The following ZNF541 variants were observed in gnomAD, a reference collection of about 807,000 sequenced individuals.
ZNF541 encodes the protein zinc finger protein 541.
A neutral mutation model predicts 123.5 loss-of-function variants in ZNF541; 23 were observed. That is an observed-to-expected ratio of 0.19 (90% confidence interval 0.13 to 0.26). The LOEUF is 0.26. Among genes scored for constraint, ZNF541 ranks in the 10% least tolerant of loss-of-function variants. The probability of loss-of-function intolerance (pLI) is 1.00; values close to 1 mark genes in which losing one functional copy is unlikely to be tolerated. For missense variants in ZNF541, 1,612 were observed against 1,789.9 expected (o/e 0.90, Z 1.79); for synonymous variants, 751 against 754.5 (o/e 1.00, Z 0.08).
rs1970315813 is a variant in ZNF541 at position 47,545,655 on chromosome 19, G to A, written c.874C>T (p.Pro292Ser). 1 of 1,549,868 alleles carries A rather than the reference G, an allele frequency of 6.5e-7. No individual in the cohort carries two copies. The highest frequency in any genetic ancestry group is 2.0e-5 in the Admixed American group (1 of 50,996). The stretch of plus-strand genomic sequence containing the variant: ...CTGTCTGAAGCCCCCGCCGGGGCTG[G>A]GCCAGGAGAAGGGGTCTTCTGGTGG... ...IVHQKTPSPG[P>S]APAGASDSEG... Residue 292 changes from proline to serine, a missense_variant, in exon 5 of 17, where the codon CCA (proline) becomes TCA (serine). Pro to Ser is a moderately conservative substitution (Grantham distance 74). Coordinates refer to ENST00000391901, the MANE Select transcript of ZNF541 (RefSeq NM_001277075.3). This position sits in a 1 kb window ranked among gnomAD's most constrained non-coding sequence, Gnocchi z 7.5.
chr19:47,572,912 C>T (rs1052562467), intron 1 of ZNF541, among the ~76,000 whole-genome samples, 171 bp downstream of exon 1: 5 of 151,770 alleles, frequency 3.3e-5, no homozygotes, highest in Non-Finnish European at 7.4e-5. Context: ...GGGTGAGGGG[C>T]GCCCGCCGCG....
intron 2 of ZNF541, among the ~76,000 whole-genome samples, chr19:47,570,142 C>T (rs1239868060): frequency 2.0e-5 from 3 of 150,626 alleles, no homozygotes; most frequent in South Asian, 2.1e-4. Context: ...GGAGTGGTAG[C>T]GGGTGCCTGT....
In ZNF541 at chr19:47,521,146, G is replaced by A. The variant is rs1969005560; in HGVS notation, c.*78C>T. The A allele has an allele frequency of 6.7e-7, 1 of 1,486,660 alleles. No individual in the cohort carries two copies. Among genetic ancestry groups the A allele is most frequent in the Non-Finnish European group, 9.0e-7 (1 of 1,108,844 alleles). 92.1% of individuals were successfully genotyped at this position (1,486,660 alleles called of 1,614,324 possible). A position where few individuals can be genotyped will look rare whatever the true frequency, so the allele number is the denominator to read the frequency against. On this transcript the variant is annotated 3_prime_UTR_variant, in exon 17 of 17. Transcript: ENST00000391901. This position sits in a 1 kb window ranked among gnomAD's most constrained non-coding sequence, Gnocchi z 4.2. ...AGGGAGGGTGGGGGGAGGCAGAGGG[G>A]TGCCCCAAACGCCCTGGAGAGGCCG...
intron 2 of ZNF541, 33 bp from the exon 3 acceptor site, chr19:47,555,987 A>C (rs1970807151): frequency 1.0e-6 from 1 of 992,580 alleles, no homozygotes; most frequent in Non-Finnish European, 1.5e-6. Flanking sequence ...GAAAGTTATT[A>C]GGTGGCAAAA....
At chr19:47,535,297 G>A (rs1969765814) in intron 9 of ZNF541, among the ~76,000 whole-genome samples, 2 of 152,224 alleles carry the variant, frequency 1.3e-5, no homozygotes, top group Admixed American at 1.3e-4. Flanking sequence ...GACTCTGCAT[G>A]ACTTGGGTCA....
chr19:47,530,516 G>A (rs1306558160), intron 12 of ZNF541, among the ~76,000 whole-genome samples: 1 of 151,848 alleles, frequency 6.6e-6, no homozygotes, highest in African/African-American at 2.4e-5. Context: ...TAAAATGTAA[G>A]CCCCCTGAGG....
At position 47,539,719 on chromosome 19, in the gene ZNF541, C is replaced by T. The variant is rs12972658; in HGVS notation, c.2782G>A (p.Gly928Arg). ...CAAGCACCCACCATGGCCATGCTCC[C>T]TATGTGTCGGGTCACTGGAACCACG... ...IPVVPVTRHI[G>R]SMAMGQEKDG... Residue 928 changes from glycine to arginine, a missense_variant, in exon 8 of 17, where the codon GGG (glycine) becomes AGG (arginine). Gly to Arg is a moderately radical substitution (Grantham distance 125). Transcript: ENST00000391901. The T allele has an allele frequency of 0.12, 168,101 of 1,432,560 alleles. 10,753 individuals are homozygous for T. The highest frequency in any genetic ancestry group is 0.24 in the East Asian group (8,181 of 33,778). The allele number at this position is 1,432,560 out of a possible 1,614,324, so 88.7% of individuals were successfully genotyped here. A position where few individuals can be genotyped will look rare whatever the true frequency, so the allele number is the denominator to read the frequency against.
chr19:47,528,185 C>G (rs546781549), intron 14 of ZNF541, among the ~76,000 whole-genome samples: 6 of 145,872 alleles, frequency 4.1e-5, no homozygotes, highest in African/African-American at 1.5e-4. Context: ...CATGGTGGCG[C>G]ATGCCTGTAA....
At position 47,529,609 on chromosome 19, in the gene ZNF541, C is replaced by G; in HGVS notation, c.3449G>C (p.Arg1150Pro). 1.3e-6 allele frequency: 2 copies of G among 1,551,598 alleles called. No individual in the cohort carries two copies. Among genetic ancestry groups the G allele is most frequent in the Non-Finnish European group, 1.7e-6 (2 of 1,146,942 alleles). ...TLLLRGPHKP[R>P]THLLADYRYT... ...GCGATAGTCAGCGAGCAGGTGTGTC[C>G]GTGGCTTGTGGGGCCCTCGGAGCAG... The change falls in exon 13 of 17, where the codon CGG becomes CCG. Residue 1150 changes from arginine to proline, a missense_variant. Arg to Pro is a moderately radical substitution (Grantham distance 103, BLOSUM62 -2). Around this residue, in one of 5 missense-constraint regions of ZNF541, gnomAD observed 285 missense variants for 407.3 expected, o/e 0.70. Coordinates refer to ENST00000391901, the MANE Select transcript of ZNF541 (RefSeq NM_001277075.3).
intron 2 of ZNF541, among the ~76,000 whole-genome samples, chr19:47,571,653 G>A (rs1467797694): frequency 6.6e-6 from 1 of 151,972 alleles, no homozygotes; most frequent in East Asian, 1.9e-4. Flanking sequence ...GCTAGGGAAG[G>A]AAAAACGTTT....
intron 14 of ZNF541, among the ~76,000 whole-genome samples, chr19:47,525,366 G>A (rs1426127095): frequency 6.7e-6 from 1 of 150,090 alleles, no homozygotes; most frequent in Non-Finnish European, 1.5e-5. Context: ...CAGGTTTTTT[G>A]TTTTGTTTTG....
At chr19:47,540,393 A>AT (rs1970029707) in intron 6 of ZNF541, 58 bp from the exon 7 acceptor site, 1 of 1,421,190 alleles carries the variant, frequency 7.0e-7, no homozygotes, top group East Asian at 2.7e-5. Flanking sequence ...TTGATCACTG[A>AT]TTTTTTGTTG....
chr19:47,540,210 T>A lies in ZNF541; in HGVS notation c.2588A>T (p.Gln863Leu). 6.4e-7 allele frequency: 1 copy of A among 1,551,612 alleles called. No individual in the cohort carries two copies. Among genetic ancestry groups the A allele is most frequent in the South Asian group, 1.2e-5 (1 of 84,054 alleles). The change falls in exon 7 of 17, where the codon CAG (glutamine) becomes CTG (leucine). Residue 863 changes from glutamine to leucine, a missense_variant. By Grantham distance (113) the Gln-to-Leu change is moderately radical. Coordinates refer to ENST00000391901, the MANE Select transcript of ZNF541 (RefSeq NM_001277075.3). ...LSSHMCFHSD[Q>L]WPSPRGKQEP... ...CTGCTTCCCTCGAGGTGACGGCCAC[T>A]GGTCGCTGTGAAAACACATGTGGCT...
intron 4 of ZNF541, among the ~76,000 whole-genome samples, chr19:47,548,050 A>AG (rs1261292315): frequency 6.6e-6 from 1 of 151,542 alleles, no homozygotes; most frequent in African/African-American, 2.4e-5. Context: ...AAAAAAAAAA[A>AG]AAGGAAATTT....
intron 9 of ZNF541, among the ~76,000 whole-genome samples, chr19:47,537,617 C>T (rs1462914467): frequency 1.4e-5 from 2 of 143,806 alleles, no homozygotes; most frequent in African/African-American, 5.2e-5. Flanking sequence ...GTGGCTCACA[C>T]ATTTAATGCC....
chr19:47,565,154 G>A (rs574126469), intron 2 of ZNF541, among the ~76,000 whole-genome samples: 1 of 152,168 alleles, frequency 6.6e-6, no homozygotes, highest in East Asian at 1.9e-4. Context: ...GGGGACTTGG[G>A]GGGAAAGGGT....
intron 3 of ZNF541, among the ~76,000 whole-genome samples, chr19:47,554,845 C>T (rs1035974640): frequency 1.3e-5 from 2 of 152,034 alleles, no homozygotes; most frequent in African/African-American, 4.8e-5. Context: ...TGCAATCCCA[C>T]CACTTTGGGA....
Position 47,521,347 on chromosome 19 carries a change from G to A in ZNF541, c.3918C>T (p.Ala1306=). Residue 1306 remains alanine (A), a synonymous_variant, in exon 17 of 17, where the codon GCC becomes GCT. Coordinates refer to ENST00000391901, the MANE Select transcript of ZNF541 (RefSeq NM_001277075.3). The surrounding 1 kb of genome is among the most constrained non-coding windows in gnomAD (Gnocchi z 4.2). ...RVFDKIKSRN[A]HMKRHRLQDH... ...CCTGAAGGCGGTGCCGCTTCATATG[G>A]GCATTTCGACTCTTGATCTTGTCAA... The A allele has an allele frequency of 6.4e-7, 1 of 1,551,734 alleles. No individual in the cohort carries two copies. The highest frequency in any genetic ancestry group is 8.7e-7 in the Non-Finnish European group (1 of 1,146,994).
In ZNF541 at chr19:47,521,655, C is replaced by G. The variant is rs1428077771; in HGVS notation, c.3712-1G>C. ...GTCTCTCCCGAGGGCTGCATGGGAC[C>G]TGCAGAGGGAGCAAAAGTGACATAA... On this transcript the variant is annotated splice_acceptor_variant, in intron 15 of 16. Transcript: ENST00000391901. LOFTEE classifies it high-confidence loss of function. This position sits in a 1 kb window ranked among gnomAD's most constrained non-coding sequence, Gnocchi z 4.2. 6.4e-7 allele frequency: 1 copy of G among 1,551,402 alleles called. No individual in the cohort carries two copies. Among genetic ancestry groups the G allele is most frequent in the Non-Finnish European group, 8.7e-7 (1 of 1,146,896 alleles).
Sources: allele counts gnomAD v4.1 joint callset (sites outside exome capture counted in the v4.1 genomes callset), GRCh38; gene constraint gnomAD v4.1.1; regional missense constraint gnomAD v4.1.1; non-coding constraint Gnocchi (gnomAD v3.1); transcripts MANE v1.5; gene names NCBI Gene and HGNC (gene_info 2026-07-23, HGNC 2026-07-21).